KCNT2: variants seen among roughly 807,000 people sequenced by gnomAD.
KCNT2 encodes potassium channel subfamily T member 2.
In KCNT2, 67 loss-of-function variants were observed where a neutral mutation model predicts 153.8. The observed-to-expected ratio is 0.44, with a 90% CI of 0.36 to 0.53. The LOEUF (loss-of-function observed/expected upper bound fraction) is 0.53, where lower values mean the gene tolerates loss of function less well. Ranked by LOEUF, KCNT2 falls within the 20% of genes least tolerant of loss-of-function variation. KCNT2 has a pLI of 0.00. For missense variants in KCNT2, 975 were observed against 1,354.8 expected (o/e 0.72, Z 4.40); for synonymous variants, 500 against 458.8 (o/e 1.09, Z -1.15).
chr1:196,294,988 C>T (rs1189186488), intron 22 of KCNT2, among the ~76,000 whole-genome samples: 2 of 151,468 alleles, frequency 1.3e-5, no homozygotes, highest in Non-Finnish European at 2.9e-5. Flanking sequence ...AAAAAAAATG[C>T]TAACTTCAAT....
At chr1:196,596,475 T>C (rs1289011369) in intron 1 of KCNT2, among the ~76,000 whole-genome samples, 2 of 152,150 alleles carry the variant, frequency 1.3e-5, no homozygotes, top group Non-Finnish European at 2.9e-5. Flanking sequence ...ATTTCCCTGA[T>C]AATTAGTGAT....
chr1:196,335,209 C>G (rs954558832), intron 16 of KCNT2, among the ~76,000 whole-genome samples: 1 of 152,098 alleles, frequency 6.6e-6, no homozygotes, highest in Non-Finnish European at 1.5e-5. Context: ...TGCTTTGTCC[C>G]ATTCTTTGAA....
chr1:196,258,116 T>C (rs1490130590), intron 26 of KCNT2, 78 bp downstream of exon 26: 3 of 1,509,254 alleles, frequency 2.0e-6, no homozygotes, highest in Admixed American at 2.2e-5. Context: ...AATTCTTTAT[T>C]AAATTAGAAC....
intron 1 of KCNT2, among the ~76,000 whole-genome samples, chr1:196,513,432 G>A (rs1681796252): frequency 6.6e-6 from 1 of 152,164 alleles, no homozygotes; most frequent in Admixed American, 6.6e-5. Context: ...GAACACATTT[G>A]TTAATTTTAA....
intron 13 of KCNT2, among the ~76,000 whole-genome samples, chr1:196,377,436 A>G (rs998748336): frequency 1.3e-5 from 2 of 152,082 alleles, no homozygotes; most frequent in African/African-American, 4.8e-5. Context: ...TAGATAATAT[A>G]GAAATGCATA....
At chr1:196,576,108 G>A (rs4072395) in intron 1 of KCNT2, among the ~76,000 whole-genome samples, 123,341 of 148,608 alleles carry the variant, frequency 0.83, 55,192 homozygotes, top group Non-Finnish European at 0.98. Context: ...GTGTGTGTGT[G>A]TATATATATA....
In KCNT2 at chr1:196,355,448, G is replaced by C. The variant is rs185694921; in HGVS notation, c.1404-13220C>G. Among the ~76,000 whole-genome samples, 53 of 151,812 alleles carry C rather than the reference G, an allele frequency of 3.5e-4. 1 individual carries two copies. The highest frequency in any genetic ancestry group is 7.2e-4 in the Non-Finnish European group (49 of 67,796). On this transcript the variant is annotated intron_variant, in intron 14 of 27. Coordinates refer to ENST00000294725, the MANE Select transcript of KCNT2 (RefSeq NM_198503.5). ...AAGAAAAATGGCCATCAAAAGTGGA[G>C]AGAATAGGAAAATGCTAAATAGTTT...
chr1:196,256,361 T>C (rs1478189067), intron 26 of KCNT2, among the ~76,000 whole-genome samples: 1 of 152,000 alleles, frequency 6.6e-6, no homozygotes, highest in Non-Finnish European at 1.5e-5. Flanking sequence ...AATGACATCC[T>C]TGTAAGCTGT....
intron 21 of KCNT2, 36 bp from the exon 22 acceptor site, chr1:196,305,381 A>G (rs1235265821): frequency 1.9e-6 from 2 of 1,071,474 alleles, no homozygotes; most frequent in East Asian, 4.7e-5. Context: ...TACACTAACA[A>G]TCCAATATGG....
At chr1:196,445,570 T>C (rs1359547689) in intron 8 of KCNT2, among the ~76,000 whole-genome samples, 1 of 151,454 alleles carries the variant, frequency 6.6e-6, no homozygotes, top group Non-Finnish European at 1.5e-5. Context: ...TTGAATTCAA[T>C]TCTTAAAGTG....
chr1:196,388,515 T>C (rs1670196364), intron 13 of KCNT2, among the ~76,000 whole-genome samples: 1 of 151,712 alleles, frequency 6.6e-6, no homozygotes, highest in South Asian at 2.1e-4. Context: ...TATTGAATCT[T>C]TTAACCCTTG....
At position 196,282,205 on chromosome 1, in the gene KCNT2, G is replaced by A. The variant is rs1659176503; in HGVS notation, c.2781+68C>T. 4.9e-6 allele frequency: 4 copies of A among 809,462 alleles called. No homozygotes were observed. The Admixed American group carries it at 6.2e-5, about 12-fold the overall frequency. The allele number at this position is 809,462 out of a possible 1,614,324, so 50.1% of individuals were successfully genotyped here. A position where few individuals can be genotyped will look rare whatever the true frequency, so the allele number is the denominator to read the frequency against. ...CACATGACATAGAAGAATTAGCAAA[G>A]TACACGGTAGATAGATTTCAGAACC... On this transcript the variant is annotated intron_variant, in intron 24 of 27. Transcript: ENST00000294725.
At chr1:196,392,427 A>G (rs933508972) in intron 13 of KCNT2, among the ~76,000 whole-genome samples, 1 of 151,456 alleles carries the variant, frequency 6.6e-6, no homozygotes, top group African/African-American at 2.4e-5. Context: ...TTGAAAATAT[A>G]ACAACTCTAA....
Position 196,537,180 on chromosome 1 carries a change from G to A in KCNT2, c.96-44839C>T, listed in dbSNP as rs147631674. Among the ~76,000 whole-genome samples the A allele has an allele frequency of 1.7e-3, 257 of 152,270 alleles. 1 individual carries two copies. Among genetic ancestry groups the A allele is most frequent in the African/African-American group, 5.9e-3 (245 of 41,552 alleles). Reference sequence around the variant, plus strand: ...TCATCATCTTAATTCTAGGCAAGGGGAGCATTGCCACTTCAAAATCTACAA... The same window carrying A: ...TCATCATCTTAATTCTAGGCAAGGGAAGCATTGCCACTTCAAAATCTACAA... On this transcript the variant is annotated intron_variant, in intron 1 of 27. Transcript: ENST00000294725.
At chr1:196,371,130 T>A (rs1190793151) in intron 14 of KCNT2, among the ~76,000 whole-genome samples, 1 of 148,480 alleles carries the variant, frequency 6.7e-6, no homozygotes. Flanking sequence ...AGGTCTGTAA[T>A]TCCAGCACTT....
At chr1:196,354,708 G>C (rs1667030137) in intron 14 of KCNT2, among the ~76,000 whole-genome samples, 1 of 151,660 alleles carries the variant, frequency 6.6e-6, no homozygotes, top group Non-Finnish European at 1.5e-5. Flanking sequence ...ATTGCAAGGA[G>C]ATTTTAAAGG....
chr1:196,554,689 GA>G (rs1205961935), intron 1 of KCNT2, among the ~76,000 whole-genome samples: 1 of 150,858 alleles, frequency 6.6e-6, no homozygotes, highest in Non-Finnish European at 1.5e-5. Flanking sequence ...AACAAAAAAA[GA>G]AAACTACAGG....
intron 1 of KCNT2, among the ~76,000 whole-genome samples, chr1:196,517,284 G>T (rs1220166769): frequency 6.6e-6 from 1 of 152,144 alleles, no homozygotes; most frequent in East Asian, 1.9e-4. Context: ...ATCAGAGGGA[G>T]CCCAGCAGTT....
chr1:196,482,437 TA>T, intron 3 of KCNT2, 58 bp from the exon 4 acceptor site: 1 of 918,052 alleles, frequency 1.1e-6, no homozygotes, highest in Non-Finnish European at 1.6e-6. Flanking sequence ...TATTCACTTT[TA>T]AAATTCAGTT....
Sources: gnomAD v4.1 joint callset for allele counts (sites outside exome capture counted in the v4.1 genomes callset) on GRCh38, gnomAD v4.1.1 for gene constraint, MANE v1.5 for transcripts, NCBI Gene and HGNC (gene_info 2026-07-23, HGNC 2026-07-21) for gene names.